The following TRHDE variants were observed in gnomAD, a reference collection of about 807,000 sequenced individuals.
TRHDE encodes thyrotropin-releasing hormone-degrading ectoenzyme.
Under a neutral mutation model 125.7 loss-of-function variants are expected in TRHDE, and 72 were observed. The ratio of observed to expected loss-of-function variants is 0.57; its 90% CI spans 0.47 to 0.70. The LOEUF (loss-of-function observed/expected upper bound fraction) is 0.70, where lower values mean the gene tolerates loss of function less well. Among genes scored for constraint, TRHDE ranks in the 30% least tolerant of loss-of-function variants. The pLI is 0.00. For synonymous variants in TRHDE, 509 were observed against 509.1 expected (o/e 1.00, Z 0.00); for missense variants, 1,110 against 1,327.1 (o/e 0.84, Z 2.54).
chr12:72,347,164 T>G (rs1742541373), intron 2 of TRHDE, among the ~76,000 whole-genome samples: 1 of 152,092 alleles, frequency 6.6e-6, no homozygotes, highest in Non-Finnish European at 1.5e-5. Context: ...TTCTGGGGAC[T>G]AGGACTTCAA....
chr12:72,633,558 A>G (rs1873586621), intron 15 of TRHDE, among the ~76,000 whole-genome samples: 1 of 152,068 alleles, frequency 6.6e-6, no homozygotes, highest in African/African-American at 2.4e-5. Flanking sequence ...AGCTCCCTAG[A>G]AACAGAACCA....
intron 1 of TRHDE, among the ~76,000 whole-genome samples, chr12:72,276,949 T>C (rs1457515379): frequency 6.6e-6 from 1 of 152,204 alleles, no homozygotes; most frequent in Non-Finnish European, 1.5e-5. Context: ...ATTGCCACTT[T>C]TGGGTAGCCA....
At chr12:72,210,952 T>A (rs534524761) in intron 2 of TRHDE, among the ~76,000 whole-genome samples, 2 of 152,350 alleles carry the variant, frequency 1.3e-5, no homozygotes, top group South Asian at 4.1e-4. Flanking sequence ...AGTGTTGCTT[T>A]ATTTCAAAAC....
intron 18 of TRHDE, among the ~76,000 whole-genome samples, chr12:72,658,827 T>G (rs1389272990): frequency 6.6e-6 from 1 of 152,192 alleles, no homozygotes; most frequent in Non-Finnish European, 1.5e-5. Context: ...ATCTCTTCAC[T>G]CTGGAGTTAT....
intron 2 of TRHDE, among the ~76,000 whole-genome samples, chr12:72,266,326 A>G (rs1592506121): frequency 6.6e-6 from 1 of 151,900 alleles, no homozygotes; most frequent in South Asian, 2.1e-4. Flanking sequence ...TGCGCTGTCA[A>G]ATAAGCCTGG....
rs932127949 is a variant in TRHDE, at chr12:72,592,711, T to TC, written c.2321+17169_2321+17170insC. On this transcript the variant is annotated intron_variant, in intron 12 of 18. Coordinates refer to ENST00000261180, the MANE Select transcript of TRHDE (RefSeq NM_013381.3). ...GGTGATTTCTTTTCTTTTCTTTCTT[T>TC]TTTTTTTTTCTTCTTTGAGATGAAG... Among the ~76,000 whole-genome samples the TC allele has an allele frequency of 4.0e-5, 6 of 151,616 alleles. No homozygotes were observed. The East Asian group carries it at 5.8e-4, about 15-fold the overall frequency.
At chr12:72,399,224 C>A (rs1219903334) in intron 3 of TRHDE, among the ~76,000 whole-genome samples, 1 of 152,140 alleles carries the variant, frequency 6.6e-6, no homozygotes, top group Admixed American at 6.5e-5. Flanking sequence ...GTCCCCGAAG[C>A]CAAAAAGGCT....
intron 2 of TRHDE, among the ~76,000 whole-genome samples, chr12:72,311,998 A>G (rs879465223): frequency 6.6e-6 from 1 of 152,200 alleles, no homozygotes; most frequent in Non-Finnish European, 1.5e-5. Context: ...GAGAAGTGGA[A>G]GCAAAGTGAA....
chr12:72,653,299 G>A (rs1040578153), intron 17 of TRHDE, 143 bp downstream of exon 17: 18 of 508,588 alleles, frequency 3.5e-5, no homozygotes, highest in Middle Eastern at 5.4e-4. Context: ...TGCCACTCCC[G>A]TGGAACTCCA....
At chr12:72,594,403 A>G (rs1871831795) in intron 12 of TRHDE, among the ~76,000 whole-genome samples, 1 of 151,404 alleles carries the variant, frequency 6.6e-6, no homozygotes, top group Non-Finnish European at 1.5e-5. Flanking sequence ...TTTTTAGTGG[A>G]GACGGGTTTT....
At chr12:72,224,988 T>C (rs1878094706) in intron 2 of TRHDE, among the ~76,000 whole-genome samples, 1 of 152,188 alleles carries the variant, frequency 6.6e-6, no homozygotes, top group Admixed American at 6.6e-5. Context: ...TAAATAATTT[T>C]AGGTTTACTT....
rs376454988 is a variant in TRHDE at position 72,543,833 on chromosome 12, G to T, written c.1788+1477G>T. ...TTATTATTATTATTATTATTATTAT[G>T]AACGTTTTTGTTCATCCTGTCATAC... On this transcript the variant is annotated intron_variant, in intron 7 of 18. Transcript: ENST00000261180. 4.3e-4 allele frequency among the ~76,000 whole-genome samples: 40 copies of T among 93,302 alleles called. No homozygotes were observed. The East Asian group carries it at 6.4e-3, about 15-fold the overall frequency. 61.2% of individuals were successfully genotyped at this position (93,302 alleles called of 152,430 possible).
At chr12:72,360,676 A>G (rs908056730) in intron 2 of TRHDE, among the ~76,000 whole-genome samples, 2 of 151,788 alleles carry the variant, frequency 1.3e-5, no homozygotes, top group African/African-American at 4.8e-5. Flanking sequence ...ACAGAGTAAA[A>G]CTGAGTAAAA....
chr12:72,174,672 T>G (rs1309758518), intron 2 of TRHDE, among the ~76,000 whole-genome samples: 1 of 152,206 alleles, frequency 6.6e-6, no homozygotes, highest in Non-Finnish European at 1.5e-5. Context: ...TGTATGATGT[T>G]TCTTTATGAT....
chr12:72,228,400 G>A (rs2948460), intron 2 of TRHDE, among the ~76,000 whole-genome samples: 2 of 151,956 alleles, frequency 1.3e-5, no homozygotes, highest in Non-Finnish European at 2.9e-5. Flanking sequence ...TAGCCATGGC[G>A]TGAATGCAGG....
chr12:72,530,852 A>C (rs1216448517), intron 6 of TRHDE, among the ~76,000 whole-genome samples: 1 of 151,856 alleles, frequency 6.6e-6, no homozygotes, highest in Non-Finnish European at 1.5e-5. Context: ...TGGGTATTTG[A>C]TATTATTGTT....
In TRHDE at chr12:72,105,320, A is replaced by G. The variant is rs150004234; in HGVS notation, n.175-328A>G. Among the ~76,000 whole-genome samples the G allele has an allele frequency of 1.5e-3, 230 of 152,244 alleles. 2 individuals are homozygous for G. The highest frequency in any genetic ancestry group is 5.0e-3 in the African/African-American group (208 of 41,558). On this transcript the variant is annotated intron_variant and non_coding_transcript_variant, in intron 1 of 4. Transcript: ENST00000548156. ...AATTTGATTAACGGAGAGATCACAG[A>G]GAAAAGAGCATTTCAGATAAGTGAT...
intron 2 of TRHDE, among the ~76,000 whole-genome samples, chr12:72,221,856 G>A (rs1296369526): frequency 6.6e-6 from 1 of 152,096 alleles, no homozygotes; most frequent in Non-Finnish European, 1.5e-5. Context: ...AGGAATTTGA[G>A]AAAGGCCCAT....
At chr12:72,090,624 G>GCTAT (rs901725501) in intron 1 of TRHDE, among the ~76,000 whole-genome samples, 9 of 152,116 alleles carry the variant, frequency 5.9e-5, no homozygotes, top group African/African-American at 2.2e-4. Context: ...TGGCTTAATT[G>GCTAT]CTATGTTAGG....
Sources: allele counts gnomAD v4.1 joint callset (sites outside exome capture counted in the v4.1 genomes callset), GRCh38; gene constraint gnomAD v4.1.1; transcripts MANE v1.5; gene names NCBI Gene and HGNC (gene_info 2026-07-23, HGNC 2026-07-21).